DNAJC27: variants seen among roughly 807,000 people sequenced by gnomAD.
DNAJC27 encodes the protein DnaJ heat shock protein family (Hsp40) member C27.
A neutral mutation model predicts 31.4 loss-of-function variants in DNAJC27; 25 were observed. That is an observed-to-expected ratio of 0.80 (90% confidence interval 0.58 to 1.11). The LOEUF (loss-of-function observed/expected upper bound fraction) is 1.11. DNAJC27 is among the 50% of genes most tolerant of loss of function. The pLI is 0.00. For missense variants in DNAJC27, 356 were observed against 347.3 expected (o/e 1.02, Z -0.20); for synonymous variants, 106 against 112.7 (o/e 0.94, Z 0.37).
At chr2:24,957,726 A>C (rs1665941654) in intron 4 of DNAJC27, 84 bp downstream of exon 4, 1 of 1,296,870 alleles carries the variant, frequency 7.7e-7, no homozygotes. Flanking sequence ...ACAATAAGGA[A>C]TTTTTCTTTT....
chr2:24,960,631 C>A (rs10180126), intron 3 of DNAJC27, among the ~76,000 whole-genome samples: 152,241 of 152,392 alleles, frequency 1, 76,046 homozygotes, highest in Middle Eastern at 1. Context: ...CACATGAATG[C>A]TAAGAAAGTG....
At chr2:24,956,713 G>C (rs1206611600) in intron 5 of DNAJC27, among the ~76,000 whole-genome samples, 1 of 152,178 alleles carries the variant, frequency 6.6e-6, no homozygotes, top group Non-Finnish European at 1.5e-5. Context: ...CCTGGAGAGA[G>C]AGCTTTTTCA....
Position 24,945,036 on chromosome 2 carries a change from A to C in DNAJC27, c.*2580T>G, listed in dbSNP as rs1434794225. On this transcript the variant is annotated 3_prime_UTR_variant, in exon 7 of 7. Coordinates refer to ENST00000264711, the MANE Select transcript of DNAJC27 (RefSeq NM_016544.3). The stretch of plus-strand genomic sequence containing the variant: ...TGTATTTTGAAATCCTAACTGGCTG[A>C]AGAATTTTTAATAAGGTTGAACTAC... The C allele has an allele frequency of 6.6e-6, 1 of 152,278 alleles. No individual in the cohort carries two copies. Among genetic ancestry groups the C allele is most frequent in the African/African-American group, 2.4e-5 (1 of 41,460 alleles). The allele number at this position is 152,278 out of a possible 1,614,324, so 9.4% of individuals were successfully genotyped here.
At chr2:24,951,356 A>G in intron 6 of DNAJC27, 38 bp downstream of exon 6, 2 of 1,567,146 alleles carry the variant, frequency 1.3e-6, no homozygotes, top group Non-Finnish European at 1.7e-6. Flanking sequence ...GTCTTTCTTT[A>G]TGATAGCAAT....
intron 1 of DNAJC27, among the ~76,000 whole-genome samples, chr2:24,967,805 T>C (rs576652605): frequency 6.6e-6 from 1 of 152,270 alleles, no homozygotes; most frequent in South Asian, 2.1e-4. Flanking sequence ...TATGCATATG[T>C]TTTCAGTTGA....
At chr2:24,956,681 A>C (rs1347234783) in intron 5 of DNAJC27, among the ~76,000 whole-genome samples, 1 of 152,228 alleles carries the variant, frequency 6.6e-6, no homozygotes, top group African/African-American at 2.4e-5. Flanking sequence ...ACTTTTGTTA[A>C]ACTTGATGAT....
intron 1 of DNAJC27, among the ~76,000 whole-genome samples, chr2:24,967,923 C>A (rs2149131803): frequency 6.6e-6 from 1 of 151,776 alleles, no homozygotes; most frequent in South Asian, 2.1e-4. Flanking sequence ...AAGACCAGAT[C>A]CACATCTCTA....
chr2:24,947,519 G>T lies in DNAJC27; in HGVS notation c.*97C>A. 7.1e-7 allele frequency: 1 copy of T among 1,408,936 alleles called. No homozygotes were observed. Among genetic ancestry groups the T allele is most frequent in the Non-Finnish European group, 9.7e-7 (1 of 1,033,560 alleles). The allele number at this position is 1,408,936 out of a possible 1,614,324, so 87.3% of individuals were successfully genotyped here. A position where few individuals can be genotyped will look rare whatever the true frequency, so the allele number is the denominator to read the frequency against. On this transcript the variant is annotated 3_prime_UTR_variant, in exon 7 of 7. Coordinates refer to ENST00000264711, the MANE Select transcript of DNAJC27 (RefSeq NM_016544.3). The stretch of plus-strand genomic sequence containing the variant: ...TGACAACACATGAATGAAAAGAGCA[G>T]TGAGATTCTGGGAAGGAAAACTCCA...
Position 24,944,481 on chromosome 2 carries a change from C to T in DNAJC27, c.*3135G>A, listed in dbSNP as rs866199311. 3 of 152,154 alleles carry T rather than the reference C, an allele frequency of 2.0e-5. No individual in the cohort carries two copies. Among genetic ancestry groups the T allele is most frequent in the Non-Finnish European group, 4.4e-5 (3 of 68,008 alleles). The allele number at this position is 152,154 out of a possible 1,614,324, so 9.4% of individuals were successfully genotyped here. ...CATTTAACTAACAGTGAATTAGGTA[C>T]TAGTTTATAGGTATAAAGAAATAGT... On this transcript the variant is annotated 3_prime_UTR_variant, in exon 7 of 7. Transcript: ENST00000264711.
chr2:24,958,638 T>C (rs1287434682), intron 3 of DNAJC27: 1 of 315,996 alleles, frequency 3.2e-6, no homozygotes, highest in Non-Finnish European at 6.6e-6. Flanking sequence ...CTTCACAGGG[T>C]TATTATGATG....
At chr2:24,955,197 A>G (rs982422824) in intron 5 of DNAJC27, among the ~76,000 whole-genome samples, 3 of 152,210 alleles carry the variant, frequency 2.0e-5, no homozygotes, top group Admixed American at 6.5e-5. Flanking sequence ...ACATTCAAAG[A>G]ATTAAAGGAA....
chr2:24,952,735 T>C (rs900598860), intron 5 of DNAJC27, among the ~76,000 whole-genome samples: 2 of 152,050 alleles, frequency 1.3e-5, no homozygotes, highest in Non-Finnish European at 2.9e-5. Flanking sequence ...TGAGACAGAG[T>C]GCCTACTTCT....
At chr2:24,963,873 T>C (rs1666110762) in intron 2 of DNAJC27, among the ~76,000 whole-genome samples, 1 of 152,254 alleles carries the variant, frequency 6.6e-6, no homozygotes, top group South Asian at 2.1e-4. Flanking sequence ...CCACTGGTTA[T>C]ATTTGGTTAT....
At chr2:24,967,444 T>C (rs562633880) in intron 1 of DNAJC27, 151 bp from the exon 2 acceptor site, 11 of 627,594 alleles carry the variant, frequency 1.8e-5, no homozygotes, top group African/African-American at 1.7e-4. Flanking sequence ...CTCACGCCTG[T>C]CATCTCAGCA....
chr2:24,958,522 C>T (rs1356926394), intron 3 of DNAJC27: 1 of 364,668 alleles, frequency 2.7e-6, no homozygotes, highest in South Asian at 2.3e-5. Context: ...TGGAGTCAGA[C>T]AGATCTGGGT....
At chr2:24,957,195 A>G in intron 4 of DNAJC27, 30 bp from the exon 5 acceptor site, 1 of 1,564,128 alleles carries the variant, frequency 6.4e-7, no homozygotes, top group Non-Finnish European at 8.6e-7. Flanking sequence ...GGACAGAGAG[A>G]AGATTACAAT....
At chr2:24,950,204 A>AT (rs1665735036) in intron 6 of DNAJC27, among the ~76,000 whole-genome samples, 1 of 152,144 alleles carries the variant, frequency 6.6e-6, no homozygotes, top group South Asian at 2.1e-4. Flanking sequence ...AGTGTGCCCA[A>AT]TAACAGTTTT....
At chr2:24,952,818 T>C (rs1213743382) in intron 5 of DNAJC27, among the ~76,000 whole-genome samples, 1 of 152,248 alleles carries the variant, frequency 6.6e-6, no homozygotes, top group Non-Finnish European at 1.5e-5. Context: ...CTAATATAGT[T>C]TGATTTGCAT....
chr2:24,970,469 T>TG (rs1333201632), intron 1 of DNAJC27, among the ~76,000 whole-genome samples: 3 of 147,446 alleles, frequency 2.0e-5, no homozygotes, highest in Non-Finnish European at 3.0e-5. Context: ...ACTTTTTTTT[T>TG]TTTTTTTTTT....
Sources: gnomAD v4.1 joint callset for allele counts (sites outside exome capture counted in the v4.1 genomes callset) on GRCh38, gnomAD v4.1.1 for gene constraint, MANE v1.5 for transcripts, NCBI Gene and HGNC (gene_info 2026-07-23, HGNC 2026-07-21) for gene names.